DISC1: variants seen among roughly 807,000 people sequenced by gnomAD.
DISC1 encodes disrupted in schizophrenia 1 protein.
Under a neutral mutation model 84.5 loss-of-function variants are expected in DISC1, and 57 were observed. The observed-to-expected ratio is 0.67, with a 90% CI of 0.55 to 0.84. The LOEUF (loss-of-function observed/expected upper bound fraction) is 0.84, where lower values mean the gene tolerates loss of function less well. DISC1 is among the 40% of genes least tolerant of loss of function. The pLI is 0.00. For missense variants in DISC1, 1,000 were observed against 1,057.8 expected (o/e 0.95, Z 0.76); for synonymous variants, 411 against 415.2 (o/e 0.99, Z 0.12).
chr1:231,634,135 C>T (rs1419339737), intron 1 of DISC1, among the ~76,000 whole-genome samples: 6 of 152,106 alleles, frequency 3.9e-5, no homozygotes, highest in African/African-American at 1.2e-4. Flanking sequence ...CCGCCTGCCT[C>T]GGCTTCTCAA....
chr1:231,814,010 G>A (rs2080616085), intron 8 of DISC1, among the ~76,000 whole-genome samples: 1 of 152,126 alleles, frequency 6.6e-6, no homozygotes. Context: ...TCTCAATAGG[G>A]TCTTTATCCA....
intron 8 of DISC1, among the ~76,000 whole-genome samples, chr1:231,812,710 C>T (rs1473052959): frequency 6.6e-6 from 1 of 152,128 alleles, no homozygotes; most frequent in Non-Finnish European, 1.5e-5. Flanking sequence ...TTAGAAAGGG[C>T]CTGTGAAAGT....
At chr1:231,800,799 A>G (rs150101507) in intron 8 of DISC1, among the ~76,000 whole-genome samples, 3 of 152,066 alleles carry the variant, frequency 2.0e-5, no homozygotes, top group Non-Finnish European at 2.9e-5. Flanking sequence ...TGGGAGAGAG[A>G]CCGTGATCCG....
At chr1:231,937,229 C>T (rs1161865928) in intron 9 of DISC1, among the ~76,000 whole-genome samples, 2 of 152,190 alleles carry the variant, frequency 1.3e-5, no homozygotes, top group East Asian at 3.9e-4. Context: ...GAAATGGTTT[C>T]TCTGGGATCC....
intron 9 of DISC1, among the ~76,000 whole-genome samples, chr1:231,953,596 C>G (rs1425269354): frequency 1.3e-5 from 2 of 152,184 alleles, no homozygotes; most frequent in Non-Finnish European, 2.9e-5. Flanking sequence ...TCTTTCACAT[C>G]TTCCTTCTGA....
At chr1:231,840,155 A>G (rs890660614) in intron 9 of DISC1, among the ~76,000 whole-genome samples, 1 of 152,238 alleles carries the variant, frequency 6.6e-6, no homozygotes, top group Non-Finnish European at 1.5e-5. Context: ...AAGAAGGTGG[A>G]GCAGGCCAAT....
chr1:231,773,668 G>A (rs950781616), intron 6 of DISC1, among the ~76,000 whole-genome samples: 6 of 152,186 alleles, frequency 3.9e-5, no homozygotes, highest in African/African-American at 1.2e-4. Flanking sequence ...ACAGGCGTGA[G>A]CCACTGCGCC....
In DISC1 at chr1:231,767,187, T is replaced by C; in HGVS notation, c.1316T>C (p.Leu439Pro). Residue 439 changes from leucine (L) to proline (P), a missense_variant, in exon 5 of 13, where the codon CTG becomes CCG. Physicochemically the swap from Leu to Pro is moderately conservative, Grantham distance 98 (BLOSUM62 -3). Coordinates refer to ENST00000439617, the MANE Select transcript of DISC1 (RefSeq NM_018662.3). ...THTPLRMEPR[L>P]LEPTAQDSLH... is the part of the protein sequence containing the mutation. ...ACCCCACTGAGAATGGAGCCGAGGC[T>C]GTTGGAACCCACTGCTCAGGACAGC... 1 of 1,614,194 alleles carries C rather than the reference T, an allele frequency of 6.2e-7. No individual in the cohort carries two copies.
At chr1:231,924,756 A>C (rs1320297877) in intron 9 of DISC1, among the ~76,000 whole-genome samples, 2 of 150,736 alleles carry the variant, frequency 1.3e-5, no homozygotes. Context: ...TCCCGGGTTC[A>C]CGCCATTCTC....
chr1:231,916,607 A>G (rs906272274), intron 9 of DISC1, among the ~76,000 whole-genome samples: 1 of 146,742 alleles, frequency 6.8e-6, no homozygotes, highest in Non-Finnish European at 1.5e-5. Context: ...GTGAGCCGAG[A>G]TCCCGCCACT....
chr1:231,775,822 T>G (rs1203469375), intron 6 of DISC1, among the ~76,000 whole-genome samples: 1 of 152,164 alleles, frequency 6.6e-6, no homozygotes, highest in East Asian at 1.9e-4. Context: ...AGAACCACTT[T>G]TACCCAGTGA....
At position 231,632,880 on chromosome 1, in the gene DISC1, G is replaced by T. The variant is rs537036226; in HGVS notation, c.67+5946G>T. Among the ~76,000 whole-genome samples the T allele has an allele frequency of 2.6e-5, 4 of 152,284 alleles. No homozygotes were observed. The South Asian group carries it at 8.3e-4, about 32-fold the overall frequency. On this transcript the variant is annotated intron_variant, in intron 1 of 12. Coordinates refer to ENST00000439617, the MANE Select transcript of DISC1 (RefSeq NM_018662.3). ...GAGGTCAGGAGTTCGAGACCATCCT[G>T]GCCAACATGGCAGAAACCCATCTCT...
chr1:232,026,661 G>A lies in DISC1; in HGVS notation c.2425+109G>A, dbSNP rs181145604. 2.2e-3 allele frequency: 1,647 copies of A among 748,394 alleles called. 14 individuals are homozygous for A. The highest frequency in any genetic ancestry group is 0.015 in the South Asian group (1,003 of 66,890). The allele number at this position is 748,394 out of a possible 1,614,324, so 46.4% of individuals were successfully genotyped here. On this transcript the variant is annotated intron_variant, in intron 12 of 12. Transcript: ENST00000439617. ...AAGATGGCAACAAATAGATGCTGCCGTTATTTATAGCACAGAGCACCTCAG... is the reference window on the plus strand; with the variant it reads ...AAGATGGCAACAAATAGATGCTGCCATTATTTATAGCACAGAGCACCTCAG...
At chr1:231,923,672 G>A (rs144835240) in intron 9 of DISC1, among the ~76,000 whole-genome samples, 56 of 152,292 alleles carry the variant, frequency 3.7e-4, no homozygotes, top group African/African-American at 1.3e-3. Context: ...GTTTCCTAGG[G>A]CTTATTCCCA....
intron 10 of DISC1, among the ~76,000 whole-genome samples, chr1:231,988,448 C>T (rs192826975): frequency 1.2e-3 from 180 of 152,314 alleles, no homozygotes; most frequent in African/African-American, 3.9e-3. Context: ...ACCTAATCCC[C>T]AGTGCAATGA....
chr1:232,034,986 T>C (rs1670385343), intron 12 of DISC1, among the ~76,000 whole-genome samples: 1 of 151,996 alleles, frequency 6.6e-6, no homozygotes, highest in Non-Finnish European at 1.5e-5. Context: ...CAAGTTCAAA[T>C]GCAAGGAGAG....
intron 9 of DISC1, among the ~76,000 whole-genome samples, chr1:231,835,155 C>G (rs1369929357): frequency 6.6e-6 from 1 of 152,184 alleles, no homozygotes; most frequent in African/African-American, 2.4e-5. Flanking sequence ...ATAGGTGGAT[C>G]TTTCTCACAG....
At chr1:232,036,155 G>A (rs1333433691) in intron 12 of DISC1, among the ~76,000 whole-genome samples, 1 of 152,192 alleles carries the variant, frequency 6.6e-6, no homozygotes, top group Non-Finnish European at 1.5e-5. Flanking sequence ...AGAGAAAACT[G>A]AGGCTTTAAC....
Position 231,749,643 on chromosome 1 carries a change from T to C in DISC1, c.1118-283T>C, listed in dbSNP as rs554289449. ...TGCTTTTAAAATAATTAATATTAAG[T>C]ATCCCTCTGTGTGAAGACCATAATT... On this transcript the variant is annotated intron_variant, in intron 3 of 12. Transcript: ENST00000439617. Among the ~76,000 whole-genome samples the C allele has an allele frequency of 3.9e-5, 6 of 152,312 alleles. No individual in the cohort carries two copies. The East Asian group carries it at 1.2e-3, about 29-fold the overall frequency.
Sources: gnomAD v4.1 joint callset for allele counts (sites outside exome capture counted in the v4.1 genomes callset) on GRCh38, gnomAD v4.1.1 for gene constraint, MANE v1.5 for transcripts, NCBI Gene and HGNC (gene_info 2026-07-23, HGNC 2026-07-21) for gene names.